SHANK2: variants seen among roughly 807,000 people sequenced by gnomAD.
SHANK2 encodes SH3 and multiple ankyrin repeat domains protein 2.
In SHANK2, 43 loss-of-function variants were observed where a neutral mutation model predicts 133.7. The ratio of observed to expected loss-of-function variants is 0.32; its 90% CI spans 0.25 to 0.41. The LOEUF (loss-of-function observed/expected upper bound fraction) is 0.41, where lower values mean the gene tolerates loss of function less well. SHANK2 is among the 10% of genes least tolerant of loss of function. The probability of loss-of-function intolerance (pLI) is 1.00; values close to 1 mark genes in which losing one functional copy is unlikely to be tolerated. For synonymous variants in SHANK2, 1,017 were observed against 952.8 expected, an observed-to-expected ratio of 1.07 and a Z score of -1.24; for missense variants, 1,994 against 2,235.8, an observed-to-expected ratio of 0.89 and a Z score of 2.18.
intron 11 of SHANK2, among the ~76,000 whole-genome samples, chr11:70,839,002 C>A (rs1948863907): frequency 6.6e-6 from 1 of 152,216 alleles, no homozygotes; most frequent in Admixed American, 6.5e-5. Context: ...GGCCTACAAG[C>A]AGCTGGTGTT....
intron 10 of SHANK2, among the ~76,000 whole-genome samples, chr11:70,949,606 C>T (rs1352624599): frequency 6.6e-6 from 1 of 152,240 alleles, no homozygotes; most frequent in Non-Finnish European, 1.5e-5. Flanking sequence ...GGCACCAAGC[C>T]TCACGGTTGG....
chr11:70,832,519 T>C (rs956996686), intron 11 of SHANK2, among the ~76,000 whole-genome samples: 9 of 152,168 alleles, frequency 5.9e-5, no homozygotes, highest in Admixed American at 1.3e-4. Context: ...CCCTCCTCCC[T>C]GCCCTGCACA....
chr11:70,712,922 C>T (rs541664385), intron 14 of SHANK2, among the ~76,000 whole-genome samples: 11 of 152,368 alleles, frequency 7.2e-5, no homozygotes, highest in African/African-American at 1.4e-4. Flanking sequence ...GATCGTGGTT[C>T]CTCCCATGTG....
intron 17 of SHANK2, among the ~76,000 whole-genome samples, chr11:70,561,902 G>A (rs1210919625): frequency 1.3e-5 from 2 of 152,124 alleles, no homozygotes; most frequent in African/African-American, 4.8e-5. Context: ...AGTGATCTGA[G>A]GCCTTTCTTC....
chr11:71,071,117 G>T (rs2135967638), intron 9 of SHANK2, among the ~76,000 whole-genome samples: 1 of 152,338 alleles, frequency 6.6e-6, no homozygotes, highest in East Asian at 1.9e-4. Flanking sequence ...AAATGTGCTT[G>T]CAATCTACTG....
intron 17 of SHANK2, among the ~76,000 whole-genome samples, chr11:70,550,229 C>T (rs1437964266): frequency 1.3e-5 from 2 of 152,168 alleles, no homozygotes; most frequent in Non-Finnish European, 2.9e-5. Flanking sequence ...GGTAGCACCT[C>T]TGGAAGGGGA....
At chr11:70,816,138 A>T (rs1555054280) in intron 12 of SHANK2, among the ~76,000 whole-genome samples, 1 of 152,192 alleles carries the variant, frequency 6.6e-6, no homozygotes, top group East Asian at 1.9e-4. Context: ...TTTCTGCAGA[A>T]CCGAAGACTG....
chr11:71,226,121 T>C (rs889313647), intron 1 of SHANK2, among the ~76,000 whole-genome samples: 10 of 151,862 alleles, frequency 6.6e-5, no homozygotes, highest in East Asian at 3.9e-4. Flanking sequence ...AACTCCATCT[T>C]ACAAAAAAAG....
intron 9 of SHANK2, among the ~76,000 whole-genome samples, chr11:71,058,684 T>G (rs1950950455): frequency 1.3e-5 from 2 of 152,146 alleles, no homozygotes; most frequent in Non-Finnish European, 2.9e-5. Context: ...TCCTGGGAAT[T>G]CCATCCTTAC....
At chr11:70,951,873 T>C (rs1950850221) in intron 10 of SHANK2, among the ~76,000 whole-genome samples, 1 of 152,242 alleles carries the variant, frequency 6.6e-6, no homozygotes, top group Admixed American at 6.5e-5. Flanking sequence ...CATCTTCACG[T>C]GGCGTTCTAA....
At position 71,158,908 on chromosome 11, in the gene SHANK2, C is replaced by T. The variant is rs1449998429; in HGVS notation, c.-12-11570G>A. 3.3e-5 allele frequency among the ~76,000 whole-genome samples: 5 copies of T among 152,322 alleles called. No homozygotes were observed. In the East Asian group the frequency reaches 7.7e-4, roughly 24 times the overall value. ...AGAAGATGAGAAATAGAGCCCCATG[C>T]CACTCCAGACACACAAACGCATTCC... On this transcript the variant is annotated intron_variant, in intron 2 of 25. Transcript: ENST00000601538.
chr11:71,125,462 G>A (rs1427828967), intron 3 of SHANK2, among the ~76,000 whole-genome samples: 10 of 152,190 alleles, frequency 6.6e-5, no homozygotes, highest in African/African-American at 1.4e-4. Flanking sequence ...TGATCAAGAC[G>A]GTCACAACAT....
rs10623914 is a variant in SHANK2 at position 70,825,776 on chromosome 11, A to ATTT, written c.1175-5097_1175-5095dup. On this transcript the variant is annotated intron_variant, in intron 11 of 25. Transcript: ENST00000601538. The stretch of plus-strand genomic sequence containing the variant: ...ACTGGAACCATCCATGGAAATGATG[A>ATTT]TTTTTTTTTGTGAAAAGGGTTAAAA... Among the ~76,000 whole-genome samples the ATTT allele has an allele frequency of 3.1e-3, 463 of 151,422 alleles. 3 individuals carry two copies. Among genetic ancestry groups the ATTT allele is most frequent in the East Asian group, 0.019 (96 of 5,132 alleles).
At chr11:70,623,196 C>G (rs1315033033) in intron 17 of SHANK2, among the ~76,000 whole-genome samples, 1 of 151,756 alleles carries the variant, frequency 6.6e-6, no homozygotes, top group Non-Finnish European at 1.5e-5. Flanking sequence ...AAAAAAAATT[C>G]CTCTCCACAT....
chr11:70,550,791 AT>A (rs1348681214), intron 17 of SHANK2, among the ~76,000 whole-genome samples: 10 of 152,162 alleles, frequency 6.6e-5, no homozygotes, highest in African/African-American at 2.4e-4. Context: ...CAGCGGGTGA[AT>A]CTCAGGGCAG....
Position 70,478,649 on chromosome 11 carries a change from A to G in SHANK2, c.4980-5210T>C, listed in dbSNP as rs549403936. ...GGAGCCCATATTGCCCAGCTGTGCCATGTGTTATGTTGTGTCTCAGCAGCT... is the reference window on the plus strand; with the variant it reads ...GGAGCCCATATTGCCCAGCTGTGCCGTGTGTTATGTTGTGTCTCAGCAGCT... On this transcript the variant is annotated intron_variant, in intron 25 of 25. Coordinates refer to ENST00000601538, the MANE Select transcript of SHANK2 (RefSeq NM_012309.5). Among the ~76,000 whole-genome samples the G allele has an allele frequency of 4.6e-5, 7 of 152,228 alleles. No individual in the cohort carries two copies. The South Asian group carries it at 1.5e-3, about 32-fold the overall frequency.
intron 14 of SHANK2, among the ~76,000 whole-genome samples, chr11:70,784,184 T>C (rs1193085738): frequency 3.3e-5 from 5 of 151,438 alleles, no homozygotes; most frequent in Non-Finnish European, 5.9e-5. Context: ...CCCCTGCTTT[T>C]TTTTTTTTTT....
chr11:70,703,752 G>A (rs1016684140), intron 14 of SHANK2, among the ~76,000 whole-genome samples: 22 of 152,304 alleles, frequency 1.4e-4, no homozygotes, highest in East Asian at 3.9e-4. Flanking sequence ...CCCAGGTGCC[G>A]GGGCCCGAGG....
intron 14 of SHANK2, among the ~76,000 whole-genome samples, chr11:70,737,241 C>A (rs916391017): frequency 1.3e-5 from 2 of 152,190 alleles, no homozygotes; most frequent in Admixed American, 1.3e-4. Flanking sequence ...ATTTCCCAGC[C>A]ATGTGGCGCA....
Sources: gnomAD v4.1 joint callset for allele counts (sites outside exome capture counted in the v4.1 genomes callset) on GRCh38, gnomAD v4.1.1 for gene constraint, MANE v1.5 for transcripts, NCBI Gene and HGNC (gene_info 2026-07-23, HGNC 2026-07-21) for gene names.